Variants in CRIM1 observed in about 807,000 individuals in gnomAD.
CRIM1 encodes cysteine rich transmembrane BMP regulator 1.
Under a neutral mutation model 116.4 loss-of-function variants are expected in CRIM1, and 32 were observed. The observed-to-expected ratio is 0.27, with a 90% CI of 0.21 to 0.37. CRIM1 has a LOEUF of 0.37. Among genes scored for constraint, CRIM1 ranks in the 10% least tolerant of loss-of-function variants. The pLI is 1.00. For missense variants in CRIM1, 1,331 were observed against 1,354.8 expected, an observed-to-expected ratio of 0.98 and a Z score of 0.28; for synonymous variants, 590 against 509.2, an observed-to-expected ratio of 1.16 and a Z score of -2.13.
rs974671226 is a variant in CRIM1, at chr2:36,499,440, C to T, written c.1501+93C>T. The T allele has an allele frequency of 1.4e-5, 18 of 1,315,008 alleles. No homozygotes were observed. In the Admixed American group the frequency reaches 3.7e-4, roughly 27 times the overall value. The allele number at this position is 1,315,008 out of a possible 1,614,324, so 81.5% of individuals were successfully genotyped here. On this transcript the variant is annotated intron_variant, in intron 8 of 16. Coordinates refer to ENST00000280527, the MANE Select transcript of CRIM1 (RefSeq NM_016441.3). ...ATTGAATATCTTTTTCACTTCTGTT[C>T]AGACATTCCCTTGACAACCTGAAAA...
intron 2 of CRIM1, among the ~76,000 whole-genome samples, chr2:36,422,860 A>T (rs889666148): frequency 1.1e-4 from 16 of 152,166 alleles, no homozygotes; most frequent in African/African-American, 3.6e-4. Flanking sequence ...TCTTAATTCT[A>T]GTCCATTGTC....
At chr2:36,437,575 A>ATAAAT (rs147579897) in intron 2 of CRIM1, among the ~76,000 whole-genome samples, 120,706 of 151,616 alleles carry the variant, frequency 0.8, 48,609 homozygotes, top group East Asian at 0.99. Flanking sequence ...GATTATATTA[A>ATAAAT]TAAAGAGAAA....
intron 1 of CRIM1, among the ~76,000 whole-genome samples, chr2:36,394,935 T>A (rs536494170): frequency 6.6e-6 from 1 of 151,930 alleles, no homozygotes; most frequent in East Asian, 1.9e-4. Flanking sequence ...GACTTTTACT[T>A]CACTTACGTA....
chr2:36,534,418 C>A (rs1441956665), intron 13 of CRIM1, among the ~76,000 whole-genome samples: 2 of 97,832 alleles, frequency 2.0e-5, no homozygotes, highest in African/African-American at 8.8e-5. Context: ...AAAATACAGA[C>A]AGGAAGGAAG....
At chr2:36,534,068 A>G in intron 13 of CRIM1, among the ~76,000 whole-genome samples, 1 of 119,362 alleles carries the variant, frequency 8.4e-6, no homozygotes, top group Non-Finnish European at 1.7e-5. Context: ...AAGGAAGGTG[A>G]GGGAGTGGGA....
At chr2:36,421,267 T>C (rs10178905) in intron 2 of CRIM1, among the ~76,000 whole-genome samples, 1 of 152,204 alleles carries the variant, frequency 6.6e-6, no homozygotes, top group African/African-American at 2.4e-5. Flanking sequence ...AATTTCCTTT[T>C]TGGGGGAGAA....
intron 1 of CRIM1, among the ~76,000 whole-genome samples, chr2:36,359,993 T>G (rs1669113989): frequency 6.6e-6 from 1 of 152,194 alleles, no homozygotes; most frequent in Admixed American, 6.5e-5. Context: ...GTGTGGATCC[T>G]GAACCCCTGA....
chr2:36,545,497 A>G (rs1211890501), intron 15 of CRIM1, among the ~76,000 whole-genome samples: 1 of 152,186 alleles, frequency 6.6e-6, no homozygotes, highest in South Asian at 2.1e-4. Context: ...TATGTTATAA[A>G]GCCCCTAAAG....
chr2:36,430,210 C>T (rs1399061422), intron 2 of CRIM1, among the ~76,000 whole-genome samples: 4 of 152,134 alleles, frequency 2.6e-5, no homozygotes, highest in Admixed American at 2.6e-4. Flanking sequence ...TTCCACCTAC[C>T]TCTGCTTGGG....
At chr2:36,454,893 G>T (rs772983334) in intron 4 of CRIM1, among the ~76,000 whole-genome samples, 1 of 152,122 alleles carries the variant, frequency 6.6e-6, no homozygotes, top group Non-Finnish European at 1.5e-5. Context: ...AGTAAGTTGG[G>T]TTTGGGAGAC....
At chr2:36,421,618 T>C (rs1449474949) in intron 2 of CRIM1, among the ~76,000 whole-genome samples, 3 of 152,240 alleles carry the variant, frequency 2.0e-5, no homozygotes, top group Non-Finnish European at 2.9e-5. Flanking sequence ...GAATGAAGTG[T>C]AGTCAGGCGT....
intron 1 of CRIM1, among the ~76,000 whole-genome samples, chr2:36,375,230 T>C (rs1350697171): frequency 1.3e-5 from 2 of 152,148 alleles, no homozygotes; most frequent in Non-Finnish European, 2.9e-5. Flanking sequence ...CTAGACGTTA[T>C]CCAGCAAGGG....
At position 36,513,738 on chromosome 2, in the gene CRIM1, C is replaced by A. The variant is rs765075573; in HGVS notation, c.1963C>A (p.Pro655Thr). Residue 655 changes from proline (P) to threonine (T), a missense_variant, in exon 11 of 17, where the codon CCT (proline) becomes ACT (threonine). Coordinates refer to ENST00000280527, the MANE Select transcript of CRIM1 (RefSeq NM_016441.3). ...TGCCTGTGGCAACCCCACCATTCAC[C>A]CTGGACAGTGCTGCCCATCATGTGC... ...VPACGNPTIH[P>T]GQCCPSCADD... 36 of 1,614,026 alleles carry A rather than the reference C, an allele frequency of 2.2e-5. No homozygotes were observed. The highest frequency in any genetic ancestry group is 2.4e-5 in the Non-Finnish European group (28 of 1,180,012).
At chr2:36,505,954 G>A (rs1186628373) in intron 8 of CRIM1, among the ~76,000 whole-genome samples, 1 of 152,120 alleles carries the variant, frequency 6.6e-6, no homozygotes, top group Non-Finnish European at 1.5e-5. Flanking sequence ...GTACGTTTGT[G>A]TGATTATCAC....
At chr2:36,483,212 G>C (rs1437203791) in intron 7 of CRIM1, among the ~76,000 whole-genome samples, 1 of 152,028 alleles carries the variant, frequency 6.6e-6, no homozygotes, top group East Asian at 1.9e-4. Context: ...CCTGTGAAGA[G>C]CTAGGGTGGA....
chr2:36,537,153 A>G (rs1666606486), intron 13 of CRIM1, among the ~76,000 whole-genome samples, 199 bp from the exon 14 acceptor site: 1 of 152,196 alleles, frequency 6.6e-6, no homozygotes, highest in Non-Finnish European at 1.5e-5. Flanking sequence ...ACCCTGTGCT[A>G]GCCTCAGTGG....
chr2:36,363,671 A>G (rs956408054), intron 1 of CRIM1, among the ~76,000 whole-genome samples: 1 of 146,674 alleles, frequency 6.8e-6, no homozygotes. Flanking sequence ...TCTGTGAACA[A>G]ATAATTAAAA....
chr2:36,426,820 A>G (rs961883651), intron 2 of CRIM1, among the ~76,000 whole-genome samples: 2 of 152,178 alleles, frequency 1.3e-5, no homozygotes, highest in African/African-American at 4.8e-5. Flanking sequence ...TTTTTTAATT[A>G]TAACATGGAC....
rs943109062 is a variant in CRIM1, at chr2:36,548,953, G to A, written c.*252G>A. Reference sequence around the variant, plus strand: ...TAAAGTTGCTAAGATATATTTGCCTGTAAGATAGCTGTAGAGATATTTGGG... The same window carrying A: ...TAAAGTTGCTAAGATATATTTGCCTATAAGATAGCTGTAGAGATATTTGGG... On this transcript the variant is annotated 3_prime_UTR_variant, in exon 17 of 17. Transcript: ENST00000280527. The A allele has an allele frequency of 2.9e-5, 7 of 237,342 alleles. No homozygotes were observed. The Admixed American group carries it at 3.8e-4, about 13-fold the overall frequency. 14.7% of individuals were successfully genotyped at this position (237,342 alleles called of 1,614,324 possible). A position where few individuals can be genotyped will look rare whatever the true frequency, so the allele number is the denominator to read the frequency against.
Sources: allele counts gnomAD v4.1 joint callset (sites outside exome capture counted in the v4.1 genomes callset), GRCh38; gene constraint gnomAD v4.1.1; transcripts MANE v1.5; gene names NCBI Gene and HGNC (gene_info 2026-07-23, HGNC 2026-07-21).